The following TMEM260 variants were observed in gnomAD, a reference collection of about 807,000 sequenced individuals.
TMEM260 encodes transmembrane protein 260.
A neutral mutation model predicts 88.9 loss-of-function variants in TMEM260; 82 were observed. The ratio of observed to expected loss-of-function variants is 0.92; its 90% CI spans 0.77 to 1.11. The LOEUF (loss-of-function observed/expected upper bound fraction) is 1.11, where lower values mean the gene tolerates loss of function less well. TMEM260 is among the 50% of genes least tolerant of loss of function. The pLI, the probability that TMEM260 is intolerant of heterozygous loss-of-function variation, is 0.00. For missense variants in TMEM260, 902 were observed against 853.4 expected (o/e 1.06, Z -0.71); for synonymous variants, 314 against 309.3 (o/e 1.02, Z -0.16).
chr14:56,661,988 G>T, the TMEM260 span, among the ~76,000 whole-genome samples: 51 of 152,268 alleles, frequency 3.3e-4, no homozygotes, highest in African/African-American at 1.2e-3. Flanking sequence ...AGGTCTCAGG[G>T]TGAGTTCAAG....
Position 56,647,734 on chromosome 14 carries a change from GAA to G in TMEM260, c.*240_*241del, listed in dbSNP as rs750694842. On this transcript the variant is annotated 3_prime_UTR_variant, in exon 16 of 16. Coordinates refer to ENST00000261556, the MANE Select transcript of TMEM260 (RefSeq NM_017799.4). ...ATTACCATTTCAGTGAGAAGCTTTT[GAA>G]AAGTCTTCTGACTTCCAGTCTTTCA... 9.9e-5 allele frequency: 48 copies of G among 483,872 alleles called. No homozygotes were observed. The highest frequency in any genetic ancestry group is 8.5e-4 in the South Asian group (31 of 36,372). 30.0% of individuals were successfully genotyped at this position (483,872 alleles called of 1,614,324 possible).
At chr14:56,585,315 T>C (rs1332073096) in intron 2 of TMEM260, among the ~76,000 whole-genome samples, 1 of 152,146 alleles carries the variant, frequency 6.6e-6, no homozygotes, top group African/African-American at 2.4e-5. Context: ...TTTTAATAAG[T>C]TTATTATTTA....
chr14:56,635,877 G>A (rs915520010), intron 14 of TMEM260, among the ~76,000 whole-genome samples: 36 of 152,228 alleles, frequency 2.4e-4, no homozygotes, highest in Non-Finnish European at 1.2e-4. Flanking sequence ...TTATGCAATA[G>A]TATTTTTGAA....
intron 15 of TMEM260, among the ~76,000 whole-genome samples, chr14:56,645,360 G>A (rs36193361): frequency 0.36 from 54,471 of 151,654 alleles, 11,575 homozygotes; most frequent in East Asian, 0.65. Flanking sequence ...GGATGAAGCT[G>A]GAAACCATCA....
intron 15 of TMEM260, among the ~76,000 whole-genome samples, chr14:56,645,148 A>G (rs1889870142): frequency 6.6e-6 from 1 of 151,302 alleles, no homozygotes; most frequent in Admixed American, 6.7e-5. Context: ...TACTGGGTAT[A>G]TACCCAAAGG....
intron 13 of TMEM260, among the ~76,000 whole-genome samples, chr14:56,634,571 G>T (rs1888880970): frequency 6.6e-6 from 1 of 152,154 alleles, no homozygotes; most frequent in African/African-American, 2.4e-5. Context: ...GGCTGGGCAT[G>T]GTGGTTCACG....
chr14:56,643,204 CAACAAAAAGAATT>C, intron 15 of TMEM260, among the ~76,000 whole-genome samples: 1 of 152,164 alleles, frequency 6.6e-6, no homozygotes, highest in South Asian at 2.1e-4. Flanking sequence ...GGCAGAGACA[CAACAAAAAGAATT>C]TTAGACCAGT....
rs77779079 is a variant in TMEM260, at chr14:56,607,214, C to G, written c.636+1531C>G. Among the ~76,000 whole-genome samples, 304 of 152,274 alleles carry G rather than the reference C, an allele frequency of 2.0e-3. 1 individual carries two copies. Among genetic ancestry groups the G allele is most frequent in the East Asian group, 8.9e-3 (46 of 5,192 alleles). ...TCAGTGGGGGTGGATGGATACATCT[C>G]CCTCTCGTATTGGTCATCTTAGCCA... On this transcript the variant is annotated intron_variant, in intron 5 of 15. Transcript: ENST00000261556.
At chr14:56,636,459 G>GTGCAATTGACTGTATGATT in intron 14 of TMEM260, 49 bp from the exon 15 acceptor site, 1 of 1,447,964 alleles carries the variant, frequency 6.9e-7, no homozygotes, top group Non-Finnish European at 9.7e-7. Context: ...AGCCCTGAAT[G>GTGCAATTGACTGTATGATT]TGCAATTGAC....
chr14:56,643,260 A>G (rs2139652984), intron 15 of TMEM260, among the ~76,000 whole-genome samples: 1 of 152,360 alleles, frequency 6.6e-6, no homozygotes, highest in East Asian at 1.9e-4. Flanking sequence ...AAAATCCTCA[A>G]TAAAATACTG....
intron 1 of TMEM260, 147 bp downstream of exon 1, chr14:56,580,221 T>G: frequency 3.3e-6 from 2 of 610,252 alleles, no homozygotes; most frequent in Non-Finnish European, 4.8e-6. Flanking sequence ...CTATTGTGTG[T>G]TCCAGAGCCC....
At chr14:56,585,471 C>T (rs1198996399) in intron 2 of TMEM260, among the ~76,000 whole-genome samples, 2 of 151,980 alleles carry the variant, frequency 1.3e-5, no homozygotes, top group Non-Finnish European at 2.9e-5. Context: ...TTTTAAATGA[C>T]CCTAATGTAC....
intron 5 of TMEM260, among the ~76,000 whole-genome samples, chr14:56,606,400 A>G (rs1886904514): frequency 6.6e-6 from 1 of 152,158 alleles, no homozygotes; most frequent in South Asian, 2.1e-4. Flanking sequence ...TTATTTGTTC[A>G]TTATACCCAG....
At chr14:56,624,530 C>CTGTA (rs1325240680) in intron 11 of TMEM260, among the ~76,000 whole-genome samples, 2 of 152,206 alleles carry the variant, frequency 1.3e-5, no homozygotes, top group African/African-American at 4.8e-5. Context: ...GATCATGCCA[C>CTGTA]TGTACTCCAG....
At chr14:56,618,572 T>TG in intron 9 of TMEM260, 22 bp from the exon 10 acceptor site, 1 of 1,611,616 alleles carries the variant, frequency 6.2e-7, no homozygotes, top group Non-Finnish European at 8.5e-7. Flanking sequence ...CTGGACCCAC[T>TG]GGTTGCATGT....
At chr14:56,650,911 GGT>G (rs1890194652), downstream of TMEM260, among the ~76,000 whole-genome samples, 1 of 151,916 alleles carries the variant, frequency 6.6e-6, no homozygotes, top group Non-Finnish European at 1.5e-5. Flanking sequence ...CCCGACTTCT[GGT>G]GTGTTTTATA....
Position 56,579,880 on chromosome 14 carries a change from T to G in TMEM260, c.-35T>G, listed in dbSNP as rs969019260. The G allele has an allele frequency of 2.4e-6, 3 of 1,231,586 alleles. No individual in the cohort carries two copies. In the African/African-American group the frequency reaches 4.7e-5, roughly 19 times the overall value. The allele number at this position is 1,231,586 out of a possible 1,614,324, so 76.3% of individuals were successfully genotyped here. A position where few individuals can be genotyped will look rare whatever the true frequency, so the allele number is the denominator to read the frequency against. ...TCCGTGTCGCACCGGGTTCTTGGGC[T>G]GGCCGTGTCCTTCTCCCTCGGTCGC... is the stretch of plus-strand genomic sequence containing the variant. On this transcript the variant is annotated 5_prime_UTR_variant, in exon 1 of 16. Coordinates refer to ENST00000261556, the MANE Select transcript of TMEM260 (RefSeq NM_017799.4).
intron 4 of TMEM260, 26 bp from the exon 5 acceptor site, chr14:56,605,543 TA>T: frequency 1.5e-6 from 2 of 1,327,812 alleles, no homozygotes; most frequent in African/African-American, 1.5e-5. Context: ...ATTTTTTACT[TA>T]ATTTTTTTTT....
intron 14 of TMEM260, among the ~76,000 whole-genome samples, chr14:56,635,469 T>TGTTAAAGGAGATTGAA (rs143912425): frequency 0.04 from 6,108 of 152,154 alleles, 201 homozygotes; most frequent in Middle Eastern, 0.096. Context: ...CAGACAGACA[T>TGTTAAAGGAGATTGAA]GTTAAAGGAG....
Sources: gnomAD v4.1 joint callset for allele counts (sites outside exome capture counted in the v4.1 genomes callset) on GRCh38, gnomAD v4.1.1 for gene constraint, MANE v1.5 for transcripts, NCBI Gene and HGNC (gene_info 2026-07-23, HGNC 2026-07-21) for gene names.